Variants in SLC4A7 observed in about 807,000 individuals in gnomAD.
SLC4A7 encodes the protein sodium bicarbonate cotransporter 3.
A neutral mutation model predicts 137.6 loss-of-function variants in SLC4A7; 51 were observed. The ratio of observed to expected loss-of-function variants is 0.37; its 90% CI spans 0.30 to 0.47. The LOEUF (loss-of-function observed/expected upper bound fraction) is 0.47. SLC4A7 is among the 20% of genes least tolerant of loss of function. The probability of loss-of-function intolerance (pLI) is 1.00; values close to 1 mark genes in which losing one functional copy is unlikely to be tolerated. For missense variants in SLC4A7, 1,247 were observed against 1,525.4 expected (o/e 0.82, Z 3.04); for synonymous variants, 542 against 518.6 (o/e 1.05, Z -0.61).
At chr3:27,460,400 T>C (rs60242630) in intron 1 of SLC4A7, among the ~76,000 whole-genome samples, 17 of 152,314 alleles carry the variant, frequency 1.1e-4, no homozygotes, top group East Asian at 5.8e-4. Context: ...TAAAGCCTTC[T>C]AAGCTCTGTC....
At chr3:27,447,639 C>CG (rs1252095327) in intron 3 of SLC4A7, among the ~76,000 whole-genome samples, 2 of 108,156 alleles carry the variant, frequency 1.8e-5, no homozygotes, top group East Asian at 4.5e-4. Context: ...GTTTTACAGC[C>CG]CTTTTTTTTT....
At chr3:27,390,128 G>T in intron 21 of SLC4A7, 24 bp from the exon 22 acceptor site, 1 of 1,412,494 alleles carries the variant, frequency 7.1e-7, no homozygotes, top group East Asian at 2.3e-5. Context: ...AAAAAACAAA[G>T]AAGTTTTCAA....
At chr3:27,390,400 T>C (rs1436335673) in intron 21 of SLC4A7, 3 of 233,958 alleles carry the variant, frequency 1.3e-5, no homozygotes, top group Non-Finnish European at 1.7e-5. Flanking sequence ...ACTTATCTGC[T>C]ATAATTGAAT....
intron 24 of SLC4A7, among the ~76,000 whole-genome samples, chr3:27,381,658 T>C (rs907577919): frequency 7.0e-6 from 1 of 143,586 alleles, no homozygotes; most frequent in African/African-American, 2.5e-5. Context: ...AAGCTATAAA[T>C]AGCTAAAAAA....
intron 1 of SLC4A7, among the ~76,000 whole-genome samples, chr3:27,453,132 C>G (rs2058187449): frequency 6.6e-6 from 1 of 152,136 alleles, no homozygotes; most frequent in African/African-American, 2.4e-5. Context: ...AACAAAAAGA[C>G]TAAACATATT....
intron 1 of SLC4A7, among the ~76,000 whole-genome samples, chr3:27,483,703 C>T (rs1453758795): frequency 6.6e-6 from 1 of 152,186 alleles, no homozygotes; most frequent in African/African-American, 2.4e-5. Flanking sequence ...AACCGGGACC[C>T]CGCCTGGGGA....
chr3:27,483,993 G>T, intron 1 of SLC4A7, 74 bp downstream of exon 1: 1 of 1,164,344 alleles, frequency 8.6e-7, no homozygotes, highest in Non-Finnish European at 1.1e-6. Context: ...GACGCCCGCC[G>T]CGCCCCCCGC....
chr3:27,478,023 A>C (rs1226212096), intron 1 of SLC4A7, among the ~76,000 whole-genome samples: 1 of 152,162 alleles, frequency 6.6e-6, no homozygotes, highest in African/African-American at 2.4e-5. Context: ...TCATGTTCCT[A>C]ATCAGAGATG....
intron 1 of SLC4A7, among the ~76,000 whole-genome samples, chr3:27,474,978 C>T (rs761518448): frequency 3.9e-5 from 6 of 152,038 alleles, no homozygotes; most frequent in Admixed American, 1.3e-4. Context: ...GGCATGATGG[C>T]GCACGCCTGT....
intron 1 of SLC4A7, among the ~76,000 whole-genome samples, chr3:27,464,648 G>A (rs1023338502): frequency 5.9e-5 from 9 of 151,906 alleles, no homozygotes; most frequent in Non-Finnish European, 4.4e-5. Context: ...AGCCGAGATC[G>A]CACCACTGTA....
At chr3:27,424,609 T>A (rs2055355009) in intron 7 of SLC4A7, 1 of 152,520 alleles carries the variant, frequency 6.6e-6, no homozygotes, top group African/African-American at 2.4e-5. Flanking sequence ...CTACACTAAC[T>A]AAATGCAGAT....
chr3:27,465,849 G>T (rs1294944496), intron 1 of SLC4A7, among the ~76,000 whole-genome samples: 1 of 151,202 alleles, frequency 6.6e-6, no homozygotes, highest in Non-Finnish European at 1.5e-5. Flanking sequence ...AGCTACTCGG[G>T]AGGCTGAGGC....
intron 24 of SLC4A7, among the ~76,000 whole-genome samples, chr3:27,382,346 C>T (rs938072558): frequency 6.6e-6 from 1 of 152,012 alleles, no homozygotes; most frequent in African/African-American, 2.4e-5. Context: ...AACTCCTGAC[C>T]TCAGGTGATC....
intron 1 of SLC4A7, among the ~76,000 whole-genome samples, chr3:27,464,065 A>G (rs148139341): frequency 3.3e-5 from 5 of 152,122 alleles, no homozygotes; most frequent in Non-Finnish European, 7.4e-5. Flanking sequence ...TATCCCAGCT[A>G]CTTGGAAGGC....
At chr3:27,464,617 C>T (rs1027060089) in intron 1 of SLC4A7, among the ~76,000 whole-genome samples, 3 of 151,852 alleles carry the variant, frequency 2.0e-5, no homozygotes, top group South Asian at 2.1e-4. Context: ...TGCTTGAACC[C>T]GGGAGGCAGA....
Position 27,398,333 on chromosome 3 carries a change from A to G in SLC4A7, c.2448T>C (p.Gly816=). The change falls in exon 17 of 26, where the codon GGT becomes GGC. Residue 816 remains glycine, a synonymous_variant. Coordinates refer to ENST00000454389, the MANE Select transcript of SLC4A7 (RefSeq NM_001321103.2). ...LTVSECKKLR[G]VFLGSACGHH... The stretch of plus-strand genomic sequence containing the variant: ...GACCACAAGCTGACCCCAAGAATAC[A>G]CCACGAAGTTTTTTACATTCCTGGA... 6.3e-7 allele frequency: 1 copy of G among 1,597,748 alleles called. No individual in the cohort carries two copies. Among genetic ancestry groups the G allele is most frequent in the East Asian group, 2.2e-5 (1 of 44,756 alleles).
At chr3:27,418,361 G>A (rs2054600001) in intron 11 of SLC4A7, 125 bp downstream of exon 11, 1 of 695,690 alleles carries the variant, frequency 1.4e-6, no homozygotes, top group Non-Finnish European at 2.4e-6. Context: ...TAAGTATGGG[G>A]GTAAGAAGGT....
At chr3:27,429,679 G>A (rs999010990) in intron 7 of SLC4A7, among the ~76,000 whole-genome samples, 2 of 151,904 alleles carry the variant, frequency 1.3e-5, no homozygotes, top group East Asian at 2.0e-4. Context: ...GTGAAACCCC[G>A]TCTCTACTAA....
intron 3 of SLC4A7, among the ~76,000 whole-genome samples, chr3:27,443,954 C>A (rs1472866507): frequency 6.6e-6 from 1 of 152,192 alleles, no homozygotes; most frequent in South Asian, 2.1e-4. Flanking sequence ...AACATACTTT[C>A]ACTTCTTTTA....
Sources: gnomAD v4.1 joint callset for allele counts (sites outside exome capture counted in the v4.1 genomes callset) on GRCh38, gnomAD v4.1.1 for gene constraint, MANE v1.5 for transcripts, NCBI Gene and HGNC (gene_info 2026-07-23, HGNC 2026-07-21) for gene names.